Variants in TPM2 observed in about 807,000 individuals in gnomAD.
TPM2 encodes tropomyosin beta chain.
A neutral mutation model predicts 41.0 loss-of-function variants in TPM2; 26 were observed. The ratio of observed to expected loss-of-function variants is 0.63; its 90% CI spans 0.46 to 0.88. The LOEUF is 0.88. Ranked by LOEUF, TPM2 falls within the 40% of genes least tolerant of loss-of-function variation. TPM2 has a pLI of 0.00. For missense variants in TPM2, 187 were observed against 355.2 expected (o/e 0.53, Z 3.81); for synonymous variants, 143 against 139.3 (o/e 1.03, Z -0.19).
downstream of TPM2, chr9:35,682,202 C>T: frequency 6.2e-7 from 1 of 1,608,016 alleles, no homozygotes; most frequent in Non-Finnish European, 8.5e-7. Flanking sequence ...AAGGGAGACA[C>T]AAGGGGGAGA....
chr9:35,682,930 G>A, downstream of TPM2: 1 of 1,501,708 alleles, frequency 6.7e-7, no homozygotes, highest in Non-Finnish European at 8.9e-7. Flanking sequence ...ACAGCATGGA[G>A]ACCAAGTTCA....
At position 35,685,544 on chromosome 9, in the gene TPM2, T is replaced by A; in HGVS notation, c.382A>T (p.Lys128Ter). 6.2e-7 allele frequency: 1 copy of A among 1,614,198 alleles called. No individual in the cohort carries two copies. Among genetic ancestry groups the A allele is most frequent in the Non-Finnish European group, 8.5e-7 (1 of 1,180,036 alleles). Residue 128 changes from lysine to a stop codon, truncating the protein, a stop_gained, in exon 4 of 9, where the codon AAG becomes TAG. Transcript: ENST00000645482. LOFTEE classifies it high-confidence loss of function. This position sits in a 1 kb window ranked among gnomAD's most constrained non-coding sequence, Gnocchi z 5.0. ...TTCATGGCCCGGTTTTCGATGACCT[T>A]CATTCCTCTGAAAGGCAGGGAGAGG... ...KAADESERGMKVIENRAMKDE... is the reference protein window; with the variant it reads ...KAADESERGM
chr9:35,682,607 CCT>C (rs1192135809), downstream of TPM2: 4 of 1,283,066 alleles, frequency 3.1e-6, no homozygotes, highest in South Asian at 2.6e-5. Context: ...CCTTCTTGCC[CCT>C]GTCCTGCACC....
At chr9:35,689,577 A>AG in intron 1 of TPM2, 127 bp downstream of exon 1, 3 of 1,542,834 alleles carry the variant, frequency 1.9e-6, no homozygotes, top group Non-Finnish European at 2.6e-6. Context: ...GGTACTGCGA[A>AG]GGCCCAGCCC....
chr9:35,682,650 G>A (rs763260918), downstream of TPM2: 4 of 1,309,870 alleles, frequency 3.1e-6, no homozygotes, highest in Non-Finnish European at 4.0e-6. Context: ...CAGTCACTCT[G>A]TTTGATCCTG....
chr9:35,684,928 A>G, intron 5 of TPM2, 121 bp from the exon 6 acceptor site: 6 of 1,610,384 alleles, frequency 3.7e-6, no homozygotes, highest in Non-Finnish European at 4.2e-6. Context: ...TGAGAGTGAC[A>G]GCAGGCAGGG....
Position 35,685,366 on chromosome 9 carries a change from G to T in TPM2, c.493-27C>A. The T allele has an allele frequency of 6.2e-7, 1 of 1,614,204 alleles. No homozygotes were observed. The highest frequency in any genetic ancestry group is 1.1e-5 in the South Asian group (1 of 91,086). Reference sequence around the variant, plus strand: ...TGTGGGGAGTGAGAAAGAGAGGGTAGATCAGTGGAGAAGGACTGGGCATGT... The same window carrying T: ...TGTGGGGAGTGAGAAAGAGAGGGTATATCAGTGGAGAAGGACTGGGCATGT... On this transcript the variant is annotated intron_variant, in intron 4 of 8. Transcript: ENST00000645482. This position sits in a 1 kb window ranked among gnomAD's most constrained non-coding sequence, Gnocchi z 5.0.
At chr9:35,682,926 T>A (rs1824655926), downstream of TPM2, 1 of 1,499,262 alleles carries the variant, frequency 6.7e-7, no homozygotes. Context: ...GAAAACAGCA[T>A]GGAGACCAAG....
chr9:35,683,960 T>C (rs1045564393), intron 8 of TPM2: 5 of 444,026 alleles, frequency 1.1e-5, no homozygotes, highest in Admixed American at 6.9e-5. Context: ...ATGTAAATCC[T>C]CCAGCCCAAA....
downstream of TPM2, chr9:35,682,193 A>C: frequency 6.2e-7 from 1 of 1,612,058 alleles, no homozygotes; most frequent in Non-Finnish European, 8.5e-7. Context: ...GTGAGGGAGA[A>C]GGGAGACACA....
downstream of TPM2, chr9:35,682,299 T>A (rs11998): frequency 0.62 from 649,502 of 1,043,166 alleles, 205,904 homozygotes; most frequent in Admixed American, 0.68. Flanking sequence ...TCAGGGCCCC[T>A]TGGCAGGGAC....
chr9:35,684,149 C>G, intron 8 of TPM2, 97 bp downstream of exon 8: 4 of 1,315,864 alleles, frequency 3.0e-6, no homozygotes, highest in Middle Eastern at 3.6e-4. Flanking sequence ...GGTGGCCCAA[C>G]CCTAGTTTAT....
intron 2 of TPM2, chr9:35,686,219 C>T (rs539874697): frequency 8.0e-6 from 2 of 249,886 alleles, no homozygotes; most frequent in South Asian, 4.8e-5. Context: ...CACTGCACTC[C>T]AGCCTGGGTA....
chr9:35,689,968 C>T (rs1217223237), upstream of TPM2: 14 of 1,516,594 alleles, frequency 9.2e-6, no homozygotes, highest in East Asian at 4.7e-5. Flanking sequence ...CGGGGAGGGA[C>T]CGGGCGGGGC....
chr9:35,684,964 T>A (rs1824800752), intron 5 of TPM2, 157 bp from the exon 6 acceptor site: 15 of 1,612,392 alleles, frequency 9.3e-6, no homozygotes, highest in Non-Finnish European at 1.3e-5. Context: ...CCCTTCCTGA[T>A]CCCCAGCAGC....
rs1430807977 is a variant in TPM2, at chr9:35,684,799, C to G, written c.572G>C (p.Gly191Ala). The G allele has an allele frequency of 2.5e-6, 4 of 1,606,292 alleles. No individual in the cohort carries two copies. Among genetic ancestry groups the G allele is most frequent in the Non-Finnish European group, 3.4e-6 (4 of 1,178,196 alleles). The change falls in exon 6 of 9, where the codon GGG becomes GCG. Residue 191 changes from glycine to alanine, a missense_variant. Transcript: ENST00000645482. ...AATTTTCAGCTCCTCCTCTAGGTCC[C>G]CACATTTACTGCAGGGGGTGTGTGG... The part of the protein sequence containing the change: ...ERAEVAESKC[G>A]DLEEELKIVT...
At chr9:35,682,141 C>G, downstream of TPM2, 1 of 1,614,158 alleles carries the variant, frequency 6.2e-7, no homozygotes. Context: ...CGACGTTCTC[C>G]TCCTTGGCAC....
In TPM2 at chr9:35,683,250, G is replaced by GGA. The variant is rs1554658504; in HGVS notation, c.773-10_773-9insTC. The GGA allele has an allele frequency of 6.5e-7, 1 of 1,549,944 alleles. No individual in the cohort carries two copies. Among genetic ancestry groups the GGA allele is most frequent in the African/African-American group, 1.4e-5 (1 of 72,922 alleles). On this transcript the variant is annotated splice_polypyrimidine_tract_variant and intron_variant, in intron 8 of 8. Transcript: ENST00000645482. The stretch of plus-strand genomic sequence containing the variant: ...CTGGGCATAGACTTCATCTGGGGGG[G>GGA]GTCCAGGGAGGGGACCAGGTGGGAG...
rs752245438 is a variant in TPM2 at position 35,684,817 on chromosome 9, G to A, written c.564-10C>T. ...TAGGTCCCCACATTTACTGCAGGGG[G>A]TGTGTGGCGGGGGGGGCAGGGTGTG... On this transcript the variant is annotated splice_polypyrimidine_tract_variant and intron_variant, in intron 5 of 8. Coordinates refer to ENST00000645482, the MANE Select transcript of TPM2 (RefSeq NM_003289.4). 3 of 1,558,324 alleles carry A rather than the reference G, an allele frequency of 1.9e-6. No homozygotes were observed. Among genetic ancestry groups the A allele is most frequent in the African/African-American group, 1.7e-5 (1 of 60,582 alleles).
Sources: gnomAD v4.1 joint callset for allele counts on GRCh38, gnomAD v4.1.1 for gene constraint, Gnocchi (gnomAD v3.1) non-coding constraint, MANE v1.5 for transcripts, NCBI Gene and HGNC (gene_info 2026-07-23, HGNC 2026-07-21) for gene names.